Variants in DGKI observed in about 807,000 individuals in gnomAD.
DGKI encodes the protein diacylglycerol kinase iota, also known as DAG kinase iota.
In DGKI, 55 loss-of-function variants were observed where a neutral mutation model predicts 147.5. The observed-to-expected ratio is 0.37, with a 90% CI of 0.30 to 0.47. DGKI has a LOEUF of 0.47. Among genes scored for constraint, DGKI ranks in the 20% least tolerant of loss-of-function variants. The pLI, the probability that DGKI is intolerant of heterozygous loss-of-function variation, is 1.00. For synonymous variants in DGKI, 469 were observed against 477.1 expected (o/e 0.98, Z 0.22); for missense variants, 1,007 against 1,323.8 (o/e 0.76, Z 3.71).
At chr7:137,569,347 G>A (rs550430270) in intron 19 of DGKI, among the ~76,000 whole-genome samples, 47 of 152,008 alleles carry the variant, frequency 3.1e-4, no homozygotes, top group Admixed American at 1.3e-4. Flanking sequence ...ATGTTCACTC[G>A]ATCAGTGAAT....
At position 137,642,058 on chromosome 7, in the gene DGKI, T is replaced by C. The variant is rs541243014; in HGVS notation, c.804+3414A>G. On this transcript the variant is annotated intron_variant, in intron 6 of 32. Coordinates refer to ENST00000614521, the MANE Select transcript of DGKI (RefSeq NM_001321708.2). ...ATCAGAGACATGTTTACAGCAAAAG[T>C]ATGCATTCTGCCTCCAACCATTGAT... Among the ~76,000 whole-genome samples, 6 of 152,280 alleles carry C rather than the reference T, an allele frequency of 3.9e-5. No individual in the cohort carries two copies. In the South Asian group the frequency reaches 1.2e-3, roughly 32 times the overall value.
intron 1 of DGKI, among the ~76,000 whole-genome samples, chr7:137,736,640 T>C (rs3800644): frequency 0.5 from 75,904 of 151,976 alleles, 21,592 homozygotes; most frequent in African/African-American, 0.78. Context: ...TTGTCCTAAG[T>C]GAAATAACAT....
intron 28 of DGKI, among the ~76,000 whole-genome samples, chr7:137,422,600 T>C (rs1448992212): frequency 7.2e-5 from 8 of 110,382 alleles, no homozygotes; most frequent in East Asian, 5.9e-4. Flanking sequence ...CTTTTCTTTT[T>C]TTTTTTTTTT....
intron 1 of DGKI, among the ~76,000 whole-genome samples, chr7:137,780,670 G>A (rs1340248953): frequency 1.3e-5 from 2 of 152,158 alleles, no homozygotes; most frequent in Non-Finnish European, 2.9e-5. Context: ...GTAGAAAAAT[G>A]ATGCTCACAT....
At chr7:137,788,641 CACACACACACACACACACACACAT>C (rs1042496881) in intron 1 of DGKI, among the ~76,000 whole-genome samples, 8 of 65,642 alleles carry the variant, frequency 1.2e-4, no homozygotes, top group African/African-American at 4.8e-4. Context: ...TAAATACACA[CACACACACACACACACACACACAT>C]ACACACACAC....
chr7:137,562,239 A>G (rs182447919), intron 19 of DGKI, among the ~76,000 whole-genome samples: 4 of 152,334 alleles, frequency 2.6e-5, no homozygotes, highest in Non-Finnish European at 4.4e-5. Context: ...GTATGGAAGT[A>G]AGAGTATAAG....
intron 10 of DGKI, among the ~76,000 whole-genome samples, chr7:137,604,772 C>T (rs535751079): frequency 1.3e-5 from 2 of 152,164 alleles, no homozygotes; most frequent in African/African-American, 4.8e-5. Flanking sequence ...CATGAGAGAA[C>T]GTGAGGGAGA....
At chr7:137,803,191 G>C (rs985587979) in intron 1 of DGKI, among the ~76,000 whole-genome samples, 1 of 152,078 alleles carries the variant, frequency 6.6e-6, no homozygotes, top group African/African-American at 2.4e-5. Context: ...AGAAAACGCA[G>C]GTGAGACAAA....
Position 137,838,496 on chromosome 7 carries a change from G to GT in DGKI, c.401+7965dup, listed in dbSNP as rs562496056. ...TTATCTTTCAACAAATTGCTTTCAA[G>GT]TTTTTTTTTTAAAAAAGCAAAAATG... On this transcript the variant is annotated intron_variant, in intron 1 of 32. Transcript: ENST00000614521. Among the ~76,000 whole-genome samples, 91 of 149,998 alleles carry GT rather than the reference G, an allele frequency of 6.1e-4. No individual in the cohort carries two copies. The South Asian group carries it at 7.8e-3, about 13-fold the overall frequency.
At chr7:137,590,976 A>T (rs1228971904) in intron 12 of DGKI, among the ~76,000 whole-genome samples, 1 of 152,220 alleles carries the variant, frequency 6.6e-6, no homozygotes, top group Non-Finnish European at 1.5e-5. Context: ...GGCATGAGCC[A>T]CTGCATCCAG....
At chr7:137,535,450 T>A (rs1005141484) in intron 20 of DGKI, among the ~76,000 whole-genome samples, 1 of 152,108 alleles carries the variant, frequency 6.6e-6, no homozygotes, top group African/African-American at 2.4e-5. Context: ...TTTTATTTTT[T>A]AAAAATTTCA....
At chr7:137,698,851 C>T (rs1823883104) in intron 1 of DGKI, among the ~76,000 whole-genome samples, 1 of 152,168 alleles carries the variant, frequency 6.6e-6, no homozygotes, top group Admixed American at 6.5e-5. Context: ...GGCTCTCTCA[C>T]TCTGTATTCG....
At chr7:137,398,928 T>C (rs953677733) in intron 30 of DGKI, among the ~76,000 whole-genome samples, 2 of 152,036 alleles carry the variant, frequency 1.3e-5, no homozygotes, top group African/African-American at 4.8e-5. Flanking sequence ...ACTGCTTACT[T>C]GCAAGTATTT....
intron 27 of DGKI, among the ~76,000 whole-genome samples, chr7:137,448,072 A>G (rs184337968): frequency 6.6e-6 from 1 of 152,344 alleles, no homozygotes; most frequent in East Asian, 1.9e-4. Context: ...AGGGAAACAG[A>G]TAATTTTGAT....
At chr7:137,506,204 A>AAT (rs1323975916) in intron 21 of DGKI, among the ~76,000 whole-genome samples, 7 of 152,210 alleles carry the variant, frequency 4.6e-5, no homozygotes, top group African/African-American at 7.2e-5. Context: ...GTAAGCAACT[A>AAT]ATATGTCCTT....
rs191418321 is a variant in DGKI at position 137,683,489 on chromosome 7, C to T, written c.511-4837G>A. Among the ~76,000 whole-genome samples the T allele has an allele frequency of 1.7e-3, 265 of 152,280 alleles. 7 individuals are homozygous for T. The East Asian group carries it at 0.038, about 22-fold the overall frequency. On this transcript the variant is annotated intron_variant, in intron 2 of 32. Transcript: ENST00000614521. Reference sequence around the variant, plus strand: ...CTGCTGGATTCAAGCAATCCTCCCACCTCAGCCTCCTGAGTAGCTGCATTA... The same window carrying T: ...CTGCTGGATTCAAGCAATCCTCCCATCTCAGCCTCCTGAGTAGCTGCATTA...
intron 8 of DGKI, among the ~76,000 whole-genome samples, chr7:137,613,601 CA>C (rs931685510): frequency 1.3e-5 from 2 of 151,092 alleles, no homozygotes; most frequent in East Asian, 1.9e-4. Flanking sequence ...AGAGATAAAC[CA>C]AAAAAAGGGG....
At chr7:137,837,850 C>G (rs112344512) in intron 1 of DGKI, among the ~76,000 whole-genome samples, 67 of 152,222 alleles carry the variant, frequency 4.4e-4, no homozygotes, top group African/African-American at 1.5e-3. Context: ...CAAGCAGCCC[C>G]GAGGTTGTGC....
intron 3 of DGKI, among the ~76,000 whole-genome samples, chr7:137,667,374 A>T (rs1163473458): frequency 6.6e-6 from 1 of 152,122 alleles, no homozygotes; most frequent in Non-Finnish European, 1.5e-5. Context: ...AGTTAATAGA[A>T]AATGGTGTTT....
Sources: gnomAD v4.1 joint callset for allele counts (sites outside exome capture counted in the v4.1 genomes callset) on GRCh38, gnomAD v4.1.1 for gene constraint, MANE v1.5 for transcripts, NCBI Gene and HGNC (gene_info 2026-07-23, HGNC 2026-07-21) for gene names.